The following ETF1 variants were observed in gnomAD, a reference collection of about 807,000 sequenced individuals.
ETF1 encodes the protein eukaryotic translation termination factor 1.
Under a neutral mutation model 55.1 loss-of-function variants are expected in ETF1, and 4 were observed. The ratio of observed to expected loss-of-function variants is 0.07; its 90% confidence interval spans 0.04 to 0.17. The LOEUF (loss-of-function observed/expected upper bound fraction) is 0.17. Among genes scored for constraint, ETF1 ranks in the 10% least tolerant of loss-of-function variants. The pLI is 1.00. For synonymous variants in ETF1, 157 were observed against 182.3 expected, an observed-to-expected ratio of 0.86 and a Z score of 1.12; for missense variants, 142 against 523.6, an observed-to-expected ratio of 0.27 and a Z score of 7.11.
chr5:138,534,697 C>A (rs931164521), intron 2 of ETF1, among the ~76,000 whole-genome samples: 1 of 152,238 alleles, frequency 6.6e-6, no homozygotes, highest in South Asian at 2.1e-4. Flanking sequence ...GAATGGGAGA[C>A]GTCTCTATTC....
At chr5:138,532,473 G>A (rs1360300219) in intron 2 of ETF1, among the ~76,000 whole-genome samples, 1 of 152,142 alleles carries the variant, frequency 6.6e-6, no homozygotes, top group East Asian at 1.9e-4. Flanking sequence ...GATAGTAACT[G>A]ATCACTAAAT....
Position 138,539,361 on chromosome 5 carries a change from C to G in ETF1, c.86+3472G>C, listed in dbSNP as rs112469375. ...GGAAAAAACAACCAATAATTCTCCCCCTTTTTCCAACATACGTTGACCTGT... is the reference window on the plus strand; with the variant it reads ...GGAAAAAACAACCAATAATTCTCCCGCTTTTTCCAACATACGTTGACCTGT... On this transcript the variant is annotated intron_variant, in intron 2 of 10. Coordinates refer to ENST00000360541, the MANE Select transcript of ETF1 (RefSeq NM_004730.4). Among the ~76,000 whole-genome samples the G allele has an allele frequency of 4.6e-3, 702 of 152,314 alleles. 4 individuals carry two copies. Among genetic ancestry groups the G allele is most frequent in the South Asian group, 0.036 (174 of 4,816 alleles).
chr5:138,531,001 C>G (rs1006922343), intron 2 of ETF1, among the ~76,000 whole-genome samples: 15 of 152,296 alleles, frequency 9.8e-5, no homozygotes, highest in African/African-American at 3.6e-4. Flanking sequence ...GAAGAAGAAC[C>G]CAGAGCAGTT....
At chr5:138,519,125 A>G in intron 2 of ETF1, 1 of 984,644 alleles carries the variant, frequency 1.0e-6, no homozygotes, top group Non-Finnish European at 1.2e-6. Context: ...GAGATACTTG[A>G]GAAACACCTC....
In ETF1 at chr5:138,510,509, C is replaced by CT; in HGVS notation, c.1083+55dup. On this transcript the variant is annotated intron_variant, in intron 9 of 10. Transcript: ENST00000360541. Reference sequence around the variant, plus strand: ...GCTCACCCTCTACACAGCCAGTACTCTAACACACGGATTTACGCTTGCACG... The same window carrying CT: ...GCTCACCCTCTACACAGCCAGTACTCTTAACACACGGATTTACGCTTGCACG... 5.1e-6 allele frequency: 7 copies of CT among 1,377,686 alleles called. No homozygotes were observed. The South Asian group carries it at 5.9e-5, about 12-fold the overall frequency. The allele number at this position is 1,377,686 out of a possible 1,614,324, so 85.3% of individuals were successfully genotyped here. A position where few individuals can be genotyped will look rare whatever the true frequency, so the allele number is the denominator to read the frequency against.
At chr5:138,517,983 C>T (rs1467985999) in intron 3 of ETF1, 2 of 620,526 alleles carry the variant, frequency 3.2e-6, no homozygotes, top group Admixed American at 6.3e-5. Flanking sequence ...AGGCGGATCA[C>T]CTGACGTCAG....
intron 2 of ETF1, among the ~76,000 whole-genome samples, chr5:138,526,337 C>A (rs1765471685): frequency 6.6e-6 from 1 of 152,160 alleles, no homozygotes; most frequent in African/African-American, 2.4e-5. Flanking sequence ...CTTTTAACTA[C>A]AGGTGTTTAA....
At chr5:138,530,609 T>C (rs965891495) in intron 2 of ETF1, among the ~76,000 whole-genome samples, 1 of 152,098 alleles carries the variant, frequency 6.6e-6, no homozygotes, top group African/African-American at 2.4e-5. Context: ...GTCTCACTCT[T>C]GTCTCCTAGG....
intron 2 of ETF1, among the ~76,000 whole-genome samples, chr5:138,536,072 A>T (rs1765917269): frequency 6.6e-6 from 1 of 152,116 alleles, no homozygotes; most frequent in Admixed American, 6.6e-5. Context: ...AACTCACAGC[A>T]GATGTTTGGT....
intron 2 of ETF1, among the ~76,000 whole-genome samples, chr5:138,534,336 A>G (rs1401182883): frequency 6.6e-6 from 1 of 152,208 alleles, no homozygotes; most frequent in African/African-American, 2.4e-5. Context: ...GATCTTCACA[A>G]ACCCAGTGGA....
In ETF1 at chr5:138,506,546, T is replaced by C. The variant is rs185979272; in HGVS notation, c.*1759A>G. 3 of 152,788 alleles carry C rather than the reference T, an allele frequency of 2.0e-5. No individual in the cohort carries two copies. Among genetic ancestry groups the C allele is most frequent in the East Asian group, 3.9e-4 (2 of 5,192 alleles). The allele number at this position is 152,788 out of a possible 1,614,324, so 9.5% of individuals were successfully genotyped here. A position where few individuals can be genotyped will look rare whatever the true frequency, so the allele number is the denominator to read the frequency against. Reference sequence around the variant, plus strand: ...CATGTTTGCTCGCTCTTGGGTGTTCTGCAAACAAATAGCAGAGCCCAAAGC... The same window carrying C: ...CATGTTTGCTCGCTCTTGGGTGTTCCGCAAACAAATAGCAGAGCCCAAAGC... On this transcript the variant is annotated 3_prime_UTR_variant, in exon 11 of 11. Coordinates refer to ENST00000360541, the MANE Select transcript of ETF1 (RefSeq NM_004730.4).
At chr5:138,541,553 C>T in intron 2 of ETF1, 1 of 1,535,394 alleles carries the variant, frequency 6.5e-7, no homozygotes, top group African/African-American at 1.4e-5. Context: ...TTAAGCACAT[C>T]CTGTTTCATA....
intron 5 of ETF1, 58 bp downstream of exon 5, chr5:138,513,495 CACCCGGCCCACCATA>C: frequency 7.6e-7 from 1 of 1,318,280 alleles, no homozygotes; most frequent in East Asian, 2.3e-5. Context: ...TGAGCCACCG[CACCCGGCCCACCATA>C]CTGTTTTCTT....
chr5:138,540,871 G>C (rs1275984152), intron 2 of ETF1, among the ~76,000 whole-genome samples: 1 of 152,184 alleles, frequency 6.6e-6, no homozygotes, highest in Non-Finnish European at 1.5e-5. Flanking sequence ...GGTAACATGG[G>C]TAGAACAAAT....
chr5:138,535,862 G>T (rs1033691580), intron 2 of ETF1, among the ~76,000 whole-genome samples: 7 of 101,512 alleles, frequency 6.9e-5, no homozygotes, highest in Non-Finnish European at 1.8e-5. Flanking sequence ...GCGGGAAAGC[G>T]AGACTCCGCC....
Sources: allele counts gnomAD v4.1 joint callset (sites outside exome capture counted in the v4.1 genomes callset), GRCh38; gene constraint gnomAD v4.1.1; transcripts MANE v1.5; gene names NCBI Gene and HGNC (gene_info 2026-07-23, HGNC 2026-07-21).